ZMYM2: variants seen among roughly 807,000 people sequenced by gnomAD.
The protein encoded by ZMYM2 is zinc finger MYM-type containing 2, also known as zinc finger MYM-type protein 2.
ZMYM2 carries 56 observed loss-of-function variants against 162.8 expected under a neutral mutation model. The ratio of observed to expected loss-of-function variants is 0.34; its 90% CI spans 0.28 to 0.43. The LOEUF (loss-of-function observed/expected upper bound fraction) is 0.43. Ranked by LOEUF, ZMYM2 falls within the 20% of genes least tolerant of loss-of-function variation. The probability of loss-of-function intolerance (pLI) is 1.00; values close to 1 mark genes in which losing one functional copy is unlikely to be tolerated. For synonymous variants in ZMYM2, 510 were observed against 541.6 expected (o/e 0.94, Z 0.81); for missense variants, 1,275 against 1,621.8 (o/e 0.79, Z 3.67).
At chr13:19,983,511 G>A (rs571865279) in intron 2 of ZMYM2, among the ~76,000 whole-genome samples, 73 of 152,186 alleles carry the variant, frequency 4.8e-4, no homozygotes, top group African/African-American at 1.6e-3. Context: ...CTATAACAGT[G>A]CTATATGGTA....
At chr13:19,889,143 G>A in the ZMYM2 span, among the ~76,000 whole-genome samples, 2,365 of 151,760 alleles carry the variant, frequency 0.016, 70 homozygotes, top group African/African-American at 0.042. Flanking sequence ...CAACACTCCT[G>A]GGAAGAGATT....
At chr13:19,877,389 CAA>C in the ZMYM2 span, among the ~76,000 whole-genome samples, 1 of 152,062 alleles carries the variant, frequency 6.6e-6, no homozygotes, top group African/African-American at 2.4e-5. Flanking sequence ...AGAGAGAAAG[CAA>C]GAGAGAGAAA....
chr13:20,046,564 A>ATT (rs1555317284), intron 12 of ZMYM2, among the ~76,000 whole-genome samples: 1 of 103,870 alleles, frequency 9.6e-6, no homozygotes, highest in Admixed American at 1.1e-4. Context: ...TAAAAAAAAA[A>ATT]ATATATATAT....
the ZMYM2 span, among the ~76,000 whole-genome samples, chr13:19,886,150 TTTTC>T: frequency 1.5e-5 from 2 of 131,212 alleles, no homozygotes; most frequent in African/African-American, 2.8e-5. Flanking sequence ...TTCTTTTTTC[TTTTC>T]TTTCTTTCTT....
the ZMYM2 span, among the ~76,000 whole-genome samples, chr13:19,926,330 G>A: frequency 3.2e-4 from 48 of 150,894 alleles, no homozygotes; most frequent in African/African-American, 6.3e-4. Flanking sequence ...TGTTTTTTGC[G>A]GGGGTGAGTG....
At chr13:19,919,477 G>A in the ZMYM2 span, among the ~76,000 whole-genome samples, 3 of 152,012 alleles carry the variant, frequency 2.0e-5, no homozygotes, top group Non-Finnish European at 4.4e-5. Flanking sequence ...ATAAATGAGA[G>A]ATCTATTTTC....
intron 6 of ZMYM2, among the ~76,000 whole-genome samples, chr13:20,015,079 A>C (rs1245233262): frequency 6.6e-6 from 1 of 151,954 alleles, no homozygotes; most frequent in Non-Finnish European, 1.5e-5. Context: ...TTTCTTTTTA[A>C]CATAAGCATT....
chr13:19,959,938 CT>C lies in ZMYM2; in HGVS notation c.-79-14del, dbSNP rs1325896523. On this transcript the variant is annotated intron_variant, in intron 1 of 24. Transcript: ENST00000610343. The stretch of plus-strand genomic sequence containing the variant: ...GGTTGTGTGTTTTTGATACATTTTT[CT>C]TTTTTCCTCCTATCCCAGGACCAAG... The C allele has an allele frequency of 1.3e-5, 2 of 152,242 alleles. No homozygotes were observed. The highest frequency in any genetic ancestry group is 4.8e-5 in the African/African-American group (2 of 41,446). The allele number at this position is 152,242 out of a possible 1,614,324, so 9.4% of individuals were successfully genotyped here. A position where few individuals can be genotyped will look rare whatever the true frequency, so the allele number is the denominator to read the frequency against.
At chr13:19,944,514 C>T in the ZMYM2 span, among the ~76,000 whole-genome samples, 2 of 152,070 alleles carry the variant, frequency 1.3e-5, no homozygotes, top group African/African-American at 4.8e-5. Flanking sequence ...AGAATACATA[C>T]TTTTACATGA....
chr13:19,906,141 G>A, the ZMYM2 span, among the ~76,000 whole-genome samples: 7 of 151,506 alleles, frequency 4.6e-5, no homozygotes, highest in East Asian at 1.4e-3. Flanking sequence ...CGGGCGTGGT[G>A]GCACATGCCT....
chr13:19,955,987 T>C (rs530254032), upstream of ZMYM2, among the ~76,000 whole-genome samples: 16 of 152,354 alleles, frequency 1.1e-4, no homozygotes, highest in Non-Finnish European at 1.8e-4. Flanking sequence ...GTTGTGGATT[T>C]ATTGAGATAT....
rs61952382 is a variant in ZMYM2 at position 20,046,613 on chromosome 13, A to G, written c.2293-4820A>G. On this transcript the variant is annotated intron_variant, in intron 12 of 24. Coordinates refer to ENST00000610343, the MANE Select transcript of ZMYM2 (RefSeq NM_197968.4). ...TGTGTGTGTGTGTGTGTGTGTATAT[A>G]TATGTGTATATATATGTGTATATAT... Among the ~76,000 whole-genome samples the G allele has an allele frequency of 8.4e-3, 797 of 95,286 alleles. 2 individuals are homozygous for G. Among genetic ancestry groups the G allele is most frequent in the South Asian group, 0.019 (62 of 3,336 alleles). 62.5% of individuals were successfully genotyped at this position (95,286 alleles called of 152,430 possible).
Position 20,006,469 on chromosome 13 carries a change from T to G in ZMYM2, c.1395T>G (p.Asn465Lys). The G allele has an allele frequency of 5.0e-6, 8 of 1,613,262 alleles. No individual in the cohort carries two copies. The highest frequency in any genetic ancestry group is 6.8e-6 in the Non-Finnish European group (8 of 1,179,544). Residue 465 changes from asparagine (N) to lysine (K), a missense_variant, in exon 6 of 25, where the codon AAT (asparagine) becomes AAG (lysine). Asn to Lys is a moderately conservative substitution (Grantham distance 94). Around this residue, in one of 10 missense-constraint regions of ZMYM2, gnomAD observed 276 missense variants for 311.8 expected, o/e 0.89. Transcript: ENST00000610343. ...GAATGGCCAATGGTTTAATAATGAATTGCTGTGAACAGTGTGGAGAGTACT... is the reference window on the plus strand; with the variant it reads ...GAATGGCCAATGGTTTAATAATGAAGTGCTGTGAACAGTGTGGAGAGTACT... Reference protein sequence around the residue: ...RYRMANGLIMNCCEQCGEYLP... With the variant: ...RYRMANGLIMKCCEQCGEYLP...
chr13:19,890,815 T>C, the ZMYM2 span, among the ~76,000 whole-genome samples: 3 of 150,260 alleles, frequency 2.0e-5, no homozygotes, highest in African/African-American at 7.4e-5. Flanking sequence ...GAGCTTGCGG[T>C]GAGCCGAGAT....
At chr13:20,013,297 T>A (rs1246301570) in intron 6 of ZMYM2, among the ~76,000 whole-genome samples, 1 of 152,218 alleles carries the variant, frequency 6.6e-6, no homozygotes, top group Non-Finnish European at 1.5e-5. Context: ...TTTTTGTACA[T>A]TGATCATGTA....
the ZMYM2 span, among the ~76,000 whole-genome samples, chr13:19,910,633 G>A: frequency 9.3e-5 from 14 of 150,644 alleles, no homozygotes; most frequent in Non-Finnish European, 1.8e-4. Context: ...GTGAACCACC[G>A]TGCCCAGCCT....
At chr13:19,977,232 G>A (rs923611347) in intron 2 of ZMYM2, among the ~76,000 whole-genome samples, 9 of 151,966 alleles carry the variant, frequency 5.9e-5, no homozygotes, top group African/African-American at 2.2e-4. Flanking sequence ...TGTTGCCTAG[G>A]TTGGTCTCAA....
chr13:19,936,066 A>G, the ZMYM2 span, among the ~76,000 whole-genome samples: 1 of 152,230 alleles, frequency 6.6e-6, no homozygotes, highest in Non-Finnish European at 1.5e-5. Flanking sequence ...CTAACTAGCA[A>G]CAATAAAGGT....
At chr13:19,977,161 G>C (rs1461208014) in intron 2 of ZMYM2, among the ~76,000 whole-genome samples, 3 of 152,174 alleles carry the variant, frequency 2.0e-5, no homozygotes, top group East Asian at 1.9e-4. Context: ...CAGCTATTCT[G>C]TATCTTTGTA....
Sources: allele counts gnomAD v4.1 joint callset (sites outside exome capture counted in the v4.1 genomes callset), GRCh38; gene constraint gnomAD v4.1.1; regional missense constraint gnomAD v4.1.1; transcripts MANE v1.5; gene names NCBI Gene and HGNC (gene_info 2026-07-23, HGNC 2026-07-21).